The following CDKL4 variants were observed in gnomAD, a reference collection of about 807,000 sequenced individuals.
CDKL4 encodes the protein cyclin-dependent kinase-like 4.
A neutral mutation model predicts 42.0 loss-of-function variants in CDKL4; 44 were observed. The observed-to-expected ratio is 1.05, with a 90% CI of 0.82 to 1.35. The LOEUF (loss-of-function observed/expected upper bound fraction) is 1.35. Ranked by LOEUF, CDKL4 falls within the 40% of genes most tolerant of loss-of-function variation. CDKL4 has a pLI of 0.00. For synonymous variants in CDKL4, 120 were observed against 121.6 expected, an observed-to-expected ratio of 0.99 and a Z score of 0.09; for missense variants, 393 against 369.9, an observed-to-expected ratio of 1.06 and a Z score of -0.51.
At chr2:39,184,351 G>C (rs986073664) in intron 8 of CDKL4, among the ~76,000 whole-genome samples, 21 of 152,170 alleles carry the variant, frequency 1.4e-4, no homozygotes, top group Admixed American at 1.2e-3. Context: ...CAGGAGCTAG[G>C]TCTGGTGTCT....
intron 2 of CDKL4, among the ~76,000 whole-genome samples, chr2:39,227,307 A>G (rs1450530399): frequency 6.6e-6 from 1 of 152,190 alleles, no homozygotes; most frequent in Non-Finnish European, 1.5e-5. Flanking sequence ...CATATAGTAG[A>G]AGCTCAACAA....
chr2:39,185,183 T>C (rs1305579544), intron 7 of CDKL4, among the ~76,000 whole-genome samples: 1 of 121,542 alleles, frequency 8.2e-6, no homozygotes, highest in African/African-American at 3.4e-5. Flanking sequence ...TATACATATG[T>C]GTATATACAT....
At chr2:39,245,036 G>T (rs892558025), upstream of CDKL4, among the ~76,000 whole-genome samples, 1 of 152,124 alleles carries the variant, frequency 6.6e-6, no homozygotes, top group Non-Finnish European at 1.5e-5. Context: ...CAGACCACTG[G>T]GTTCTACCAA....
At position 39,205,777 on chromosome 2, in the gene CDKL4, A is replaced by AAAAAG. The variant is rs1171474629; in HGVS notation, c.364-1161_364-1160insCTTTT. On this transcript the variant is annotated intron_variant, in intron 4 of 9. Coordinates refer to ENST00000451199, the Ensembl canonical transcript of CDKL4. Reference sequence around the variant, plus strand: ...TCCGTCTCAAAAAAAAAAAAAAAAAAAAAGAAAGAAAGAAAGAAAGAGGGG... The same window carrying AAAAAG: ...TCCGTCTCAAAAAAAAAAAAAAAAAAAAAAGAAAGAAAGAAAGAAAGAAAGAGGGG... Among the ~76,000 whole-genome samples the AAAAAG allele has an allele frequency of 2.3e-4, 35 of 149,554 alleles. 1 individual carries two copies. Among genetic ancestry groups the AAAAAG allele is most frequent in the South Asian group, 1.7e-3 (8 of 4,770 alleles).
chr2:39,179,404 G>T, intron 8 of CDKL4, 83 bp from the exon 9 acceptor site: 1 of 1,110,246 alleles, frequency 9.0e-7, no homozygotes, highest in Non-Finnish European at 1.3e-6. Context: ...TAACTTGCTA[G>T]GATAAATATG....
chr2:39,173,660 A>G (rs911328432), downstream of CDKL4, among the ~76,000 whole-genome samples: 1 of 151,894 alleles, frequency 6.6e-6, no homozygotes, highest in Non-Finnish European at 1.5e-5. Context: ...ATACAAAACA[A>G]TTAGTCGGGC....
rs1209067979 is a variant in CDKL4, at chr2:39,187,855, G to A, written c.653-146C>T. On this transcript the variant is annotated intron_variant, in intron 6 of 9. Transcript: ENST00000451199. Reference sequence around the variant, plus strand: ...GGCTACGGCAGGTGGATCACTTGACGTCAAGAGTTCGAGACCAGCCTGGTC... The same window carrying A: ...GGCTACGGCAGGTGGATCACTTGACATCAAGAGTTCGAGACCAGCCTGGTC... 35 of 596,598 alleles carry A rather than the reference G, an allele frequency of 5.9e-5. 1 individual carries two copies. The highest frequency in any genetic ancestry group is 8.8e-5 in the Non-Finnish European group (30 of 339,934). 37.0% of individuals were successfully genotyped at this position (596,598 alleles called of 1,614,324 possible). A position where few individuals can be genotyped will look rare whatever the true frequency, so the allele number is the denominator to read the frequency against.
At chr2:39,233,660 T>A (rs530297400) in intron 1 of CDKL4, among the ~76,000 whole-genome samples, 2 of 151,834 alleles carry the variant, frequency 1.3e-5, no homozygotes, top group Non-Finnish European at 2.9e-5. Context: ...GCCGTCCCCA[T>A]ACATGCTATT....
At chr2:39,211,286 G>T (rs941735684) in intron 4 of CDKL4, among the ~76,000 whole-genome samples, 1 of 152,104 alleles carries the variant, frequency 6.6e-6, no homozygotes, top group African/African-American at 2.4e-5. Context: ...ACTCAGGGAG[G>T]CTGAAGTGGG....
At chr2:39,197,784 A>T (rs1027465461) in intron 5 of CDKL4, among the ~76,000 whole-genome samples, 1 of 152,204 alleles carries the variant, frequency 6.6e-6, no homozygotes, top group Non-Finnish European at 1.5e-5. Context: ...AGACAAACAA[A>T]TGCTGAGAGA....
At chr2:39,238,273 T>C (rs1679471189) in intron 1 of CDKL4, among the ~76,000 whole-genome samples, 2 of 152,074 alleles carry the variant, frequency 1.3e-5, no homozygotes, top group African/African-American at 4.8e-5. Flanking sequence ...TCTAAAAAAA[T>C]AAAAAATAAT....
chr2:39,244,203 G>A (rs1679809092), upstream of CDKL4, among the ~76,000 whole-genome samples: 1 of 152,220 alleles, frequency 6.6e-6, no homozygotes, highest in Admixed American at 6.5e-5. Flanking sequence ...GCCCACCGCT[G>A]CACTGTGGGA....
At chr2:39,168,709 T>TAAAA in the CDKL4 span, among the ~76,000 whole-genome samples, 1 of 132,386 alleles carries the variant, frequency 7.6e-6, no homozygotes. Flanking sequence ...AAACTCCATC[T>TAAAA]AAAAAAAAAA....
intron 1 of CDKL4, among the ~76,000 whole-genome samples, chr2:39,231,134 C>T (rs1380174799): frequency 1.3e-5 from 2 of 152,136 alleles, no homozygotes; most frequent in Non-Finnish European, 2.9e-5. Flanking sequence ...ATCTCTTGAA[C>T]CCTGGAGGTG....
intron 2 of CDKL4, among the ~76,000 whole-genome samples, chr2:39,228,436 T>A (rs1293520907): frequency 2.6e-5 from 4 of 152,196 alleles, no homozygotes; most frequent in Non-Finnish European, 5.9e-5. Context: ...ACATGATAAT[T>A]ATTAGTGATA....
At chr2:39,236,963 T>C (rs1339386836) in intron 1 of CDKL4, among the ~76,000 whole-genome samples, 3 of 152,158 alleles carry the variant, frequency 2.0e-5, no homozygotes, top group Non-Finnish European at 4.4e-5. Flanking sequence ...AAACATTACC[T>C]AAGAAAAATT....
In CDKL4 at chr2:39,190,289, A is replaced by G. The variant is rs754844957; in HGVS notation, c.652+16T>C. ...AACAATTCAGCAACTCTGTTGCCAT[A>G]AAATGCAATTCATACCTAGTGTTCT... On this transcript the variant is annotated intron_variant, in intron 6 of 9. Coordinates refer to ENST00000451199, the Ensembl canonical transcript of CDKL4. The G allele has an allele frequency of 6.2e-7, 1 of 1,600,976 alleles. No homozygotes were observed. The highest frequency in any genetic ancestry group is 1.1e-5 in the South Asian group (1 of 90,534).
intron 1 of CDKL4, among the ~76,000 whole-genome samples, chr2:39,238,199 G>A (rs1258414883): frequency 6.6e-6 from 1 of 152,198 alleles, no homozygotes; most frequent in Non-Finnish European, 1.5e-5. Context: ...GGGAGGCTGA[G>A]GCAGAAGGAT....
At chr2:39,179,416 G>T in intron 8 of CDKL4, 95 bp from the exon 9 acceptor site, 1 of 1,040,680 alleles carries the variant, frequency 9.6e-7, no homozygotes, top group Non-Finnish European at 1.4e-6. Context: ...ATAAATATGA[G>T]TTTAGAAAAT....
Sources: gnomAD v4.1 joint callset for allele counts (sites outside exome capture counted in the v4.1 genomes callset) on GRCh38, gnomAD v4.1.1 for gene constraint, MANE v1.5 for transcripts, NCBI Gene and HGNC (gene_info 2026-07-23, HGNC 2026-07-21) for gene names.